The following TNS3 variants were observed in gnomAD, a reference collection of about 807,000 sequenced individuals.
TNS3 encodes tensin 3.
A neutral mutation model predicts 140.9 loss-of-function variants in TNS3; 45 were observed. The observed-to-expected ratio is 0.32, with a 90% CI of 0.25 to 0.41. The LOEUF (loss-of-function observed/expected upper bound fraction) is 0.41. TNS3 is among the 10% of genes least tolerant of loss of function. The pLI is 1.00. For missense variants in TNS3, 1,716 were observed against 1,906.7 expected, an observed-to-expected ratio of 0.90 and a Z score of 1.86; for synonymous variants, 815 against 788.4, an observed-to-expected ratio of 1.03 and a Z score of -0.56.
Position 47,454,555 on chromosome 7 carries a change from C to T in TNS3, c.-75-12500G>A, listed in dbSNP as rs188266745. 1.2e-4 allele frequency among the ~76,000 whole-genome samples: 18 copies of T among 152,232 alleles called. No individual in the cohort carries two copies. In the East Asian group the frequency reaches 2.1e-3, roughly 18 times the overall value. ...AGAGGAGGGTTGCATGTGTTGTTTC[C>T]AGTCCAACTCCCGCATTTTACAATG... On this transcript the variant is annotated intron_variant, in intron 4 of 30. Coordinates refer to ENST00000311160, the MANE Select transcript of TNS3 (RefSeq NM_022748.12).
At chr7:47,500,608 T>C (rs1433349018) in intron 3 of TNS3, among the ~76,000 whole-genome samples, 1 of 152,200 alleles carries the variant, frequency 6.6e-6, no homozygotes, top group Non-Finnish European at 1.5e-5. Flanking sequence ...TGGAGAGATG[T>C]ATCTCATGAC....
At chr7:47,320,552 C>T (rs1489806981) in intron 20 of TNS3, among the ~76,000 whole-genome samples, 1 of 152,204 alleles carries the variant, frequency 6.6e-6, no homozygotes, top group South Asian at 2.1e-4. Flanking sequence ...CGAGGCTTCT[C>T]TCTGCGGTGC....
intron 27 of TNS3, among the ~76,000 whole-genome samples, chr7:47,285,491 C>T (rs1785368792): frequency 1.3e-5 from 2 of 152,176 alleles, no homozygotes; most frequent in African/African-American, 4.8e-5. Context: ...TCTTGCCTGC[C>T]ACCATGTAAG....
At chr7:47,330,398 C>G (rs934302284) in intron 20 of TNS3, among the ~76,000 whole-genome samples, 1 of 152,192 alleles carries the variant, frequency 6.6e-6, no homozygotes, top group African/African-American at 2.4e-5. Flanking sequence ...CTGTCTCTCT[C>G]CTTCCACTTA....
chr7:47,300,780 G>C (rs1167312687), intron 23 of TNS3, among the ~76,000 whole-genome samples: 1 of 152,212 alleles, frequency 6.6e-6, no homozygotes, highest in Non-Finnish European at 1.5e-5. Context: ...ACAGTCATCG[G>C]GATTCTTGAG....
At chr7:47,306,400 A>G (rs893340117) in intron 20 of TNS3, among the ~76,000 whole-genome samples, 1 of 152,216 alleles carries the variant, frequency 6.6e-6, no homozygotes, top group Non-Finnish European at 1.5e-5. Context: ...AATGCACTTC[A>G]CTCCAATGAG....
At position 47,400,767 on chromosome 7, in the gene TNS3, G is replaced by A. The variant is rs759984681; in HGVS notation, c.853+18C>T. 2 of 1,612,410 alleles carry A rather than the reference G, an allele frequency of 1.2e-6. No homozygotes were observed. Among genetic ancestry groups the A allele is most frequent in the African/African-American group, 1.3e-5 (1 of 75,026 alleles). On this transcript the variant is annotated intron_variant, in intron 14 of 30. Coordinates refer to ENST00000311160, the MANE Select transcript of TNS3 (RefSeq NM_022748.12). ...CGCAGCTGCCCACAAGCACAGGGCCGCCAGCTCCGCGCCTCACCTTTGCTG... is the reference window on the plus strand; with the variant it reads ...CGCAGCTGCCCACAAGCACAGGGCCACCAGCTCCGCGCCTCACCTTTGCTG...
At chr7:47,314,330 C>T (rs1220379368) in intron 20 of TNS3, among the ~76,000 whole-genome samples, 1 of 152,148 alleles carries the variant, frequency 6.6e-6, no homozygotes, top group African/African-American at 2.4e-5. Flanking sequence ...CTGCACAGCT[C>T]CTCGAGATGT....
At position 47,539,072 on chromosome 7, in the gene TNS3, T is replaced by C. The variant is rs751813638; in HGVS notation, c.-264-9925A>G. The C allele has an allele frequency of 5.0e-4, 230 of 456,534 alleles. 1 individual carries two copies. The highest frequency in any genetic ancestry group is 8.9e-4 in the Non-Finnish European group (203 of 226,968). 28.3% of individuals were successfully genotyped at this position (456,534 alleles called of 1,614,324 possible). A position where few individuals can be genotyped will look rare whatever the true frequency, so the allele number is the denominator to read the frequency against. On this transcript the variant is annotated intron_variant, in intron 1 of 30. Transcript: ENST00000311160. ...GGTCAGCTGGATCTACCACCGCCCTTACCATGGTGCCCACAGGAACCGGCC... is the reference window on the plus strand; with the variant it reads ...GGTCAGCTGGATCTACCACCGCCCTCACCATGGTGCCCACAGGAACCGGCC...
intron 17 of TNS3, among the ~76,000 whole-genome samples, chr7:47,358,862 A>G (rs1402388947): frequency 2.0e-5 from 3 of 152,354 alleles, no homozygotes; most frequent in African/African-American, 4.8e-5. Context: ...CCCCTGAGCC[A>G]GCACTCAGGC....
intron 1 of TNS3, among the ~76,000 whole-genome samples, chr7:47,534,869 C>T (rs914886887): frequency 6.6e-6 from 1 of 152,036 alleles, no homozygotes; most frequent in Non-Finnish European, 1.5e-5. Flanking sequence ...GTCTACAAAC[C>T]GTGATGGTGA....
intron 16 of TNS3, among the ~76,000 whole-genome samples, chr7:47,388,149 C>T (rs1419383294): frequency 1.3e-5 from 2 of 152,138 alleles, no homozygotes; most frequent in Non-Finnish European, 2.9e-5. Flanking sequence ...GGAATAGGGG[C>T]TTGACTGAGA....
intron 3 of TNS3, among the ~76,000 whole-genome samples, chr7:47,494,611 A>T (rs991977608): frequency 6.6e-6 from 1 of 152,186 alleles, no homozygotes; most frequent in Admixed American, 6.5e-5. Context: ...TTAAGAACAG[A>T]AAGGAAGCCT....
Position 47,355,237 on chromosome 7 carries a change from C to T in TNS3, c.2282-8881G>A, listed in dbSNP as rs551219632. Among the ~76,000 whole-genome samples, 40 of 152,312 alleles carry T rather than the reference C, an allele frequency of 2.6e-4. No individual in the cohort carries two copies. The East Asian group carries it at 7.5e-3, about 29-fold the overall frequency. On this transcript the variant is annotated intron_variant, in intron 17 of 30. Transcript: ENST00000311160. ...AGGGTGCAAAAGGACACCGAGCCTG[C>T]GAGGCAGGAGGACGCTCAGTCATTC... is the stretch of plus-strand genomic sequence containing the variant.
chr7:47,493,644 C>T (rs1312169535), intron 3 of TNS3, among the ~76,000 whole-genome samples: 3 of 146,488 alleles, frequency 2.0e-5, no homozygotes, highest in East Asian at 2.0e-4. Context: ...CGCTGAAACC[C>T]TGTCTCTACT....
At chr7:47,283,645 C>T (rs750488408) in intron 28 of TNS3, 52 bp downstream of exon 28, 30 of 1,462,410 alleles carry the variant, frequency 2.1e-5, no homozygotes, top group Middle Eastern at 2.3e-4. Flanking sequence ...ACAAGAGGAA[C>T]GTGACAGCCC....
chr7:47,442,786 G>A (rs369359864), intron 4 of TNS3, among the ~76,000 whole-genome samples: 4 of 152,220 alleles, frequency 2.6e-5, no homozygotes, highest in Middle Eastern at 3.4e-3. Context: ...GGAGCCCAGA[G>A]ACCCCCGAGT....
At chr7:47,396,975 A>T in intron 15 of TNS3, 71 bp from the exon 16 acceptor site, 1 of 1,133,666 alleles carries the variant, frequency 8.8e-7, no homozygotes, top group Non-Finnish European at 1.3e-6. Context: ...ACTCCACCAT[A>T]AGGACAGGTG....
At chr7:47,564,113 G>A (rs1800373422) in intron 1 of TNS3, among the ~76,000 whole-genome samples, 1 of 149,502 alleles carries the variant, frequency 6.7e-6, no homozygotes, top group African/African-American at 2.5e-5. Context: ...AGAATGGCGT[G>A]AGCCCGGGAG....
Sources: gnomAD v4.1 joint callset for allele counts (sites outside exome capture counted in the v4.1 genomes callset) on GRCh38, gnomAD v4.1.1 for gene constraint, MANE v1.5 for transcripts, NCBI Gene and HGNC (gene_info 2026-07-23, HGNC 2026-07-21) for gene names.